The following DCDC2C variants were observed in gnomAD, a reference collection of about 807,000 sequenced individuals.
DCDC2C encodes doublecortin domain containing 2C.
DCDC2C carries 44 observed loss-of-function variants against 45.0 expected under a neutral mutation model. The observed-to-expected ratio is 0.98, with a 90% CI of 0.77 to 1.26. DCDC2C has a LOEUF of 1.26. Ranked by LOEUF, DCDC2C falls within the 50% of genes most tolerant of loss-of-function variation. The probability of loss-of-function intolerance (pLI) is 0.00; values close to 1 mark genes in which losing one functional copy is unlikely to be tolerated. For synonymous variants in DCDC2C, 187 were observed against 178.8 expected (o/e 1.05, Z -0.37); for missense variants, 447 against 468.9 (o/e 0.95, Z 0.43).
At chr2:3,759,580 G>A (rs900190488) in intron 6 of DCDC2C, among the ~76,000 whole-genome samples, 7 of 152,204 alleles carry the variant, frequency 4.6e-5, no homozygotes, top group African/African-American at 1.4e-4. Flanking sequence ...GATGGCGGGA[G>A]GGTGGTGCAT....
At chr2:3,840,449 T>C (rs1247994211) in intron 10 of DCDC2C, among the ~76,000 whole-genome samples, 2 of 152,192 alleles carry the variant, frequency 1.3e-5, no homozygotes, top group Non-Finnish European at 2.9e-5. Context: ...AAAAATAAGA[T>C]AAAAATTCTG....
rs1157743675 is a variant in DCDC2C, at chr2:3,741,999, G to A, written c.496G>A (p.Val166Met). The stretch of plus-strand genomic sequence containing the variant: ...ATTTAGTCTGTCCGATTGGGACATC[G>A]TGCTGGCCACGATCGGAGAAAAAGT... The part of the protein sequence containing the change: ...PKFSLSDWDI[V>M]LATIGEKVFP... Residue 166 changes from valine (V) to methionine (M), a missense_variant, in exon 4 of 11, where the codon GTG (valine) becomes ATG (methionine). Val to Met is a conservative substitution (Grantham distance 21, BLOSUM62 1). Coordinates refer to ENST00000399143, the MANE Select transcript of DCDC2C (RefSeq NM_001287444.2). 10 of 1,548,324 alleles carry A rather than the reference G, an allele frequency of 6.5e-6. No individual in the cohort carries two copies. In the Admixed American group the frequency reaches 7.9e-5, roughly 12 times the overall value.
At chr2:3,739,513 C>T (rs991709031) in intron 3 of DCDC2C, among the ~76,000 whole-genome samples, 2 of 152,224 alleles carry the variant, frequency 1.3e-5, no homozygotes, top group East Asian at 1.9e-4. Flanking sequence ...GGCTGAACGT[C>T]AAGAGGAACG....
intron 1 of DCDC2C, among the ~76,000 whole-genome samples, chr2:3,708,187 T>C (rs1016624199): frequency 2.0e-5 from 3 of 152,190 alleles, no homozygotes; most frequent in African/African-American, 7.2e-5. Flanking sequence ...GACCTTAGCC[T>C]GTCATGGGAA....
At position 3,778,868 on chromosome 2, in the gene DCDC2C, A is replaced by G; in HGVS notation, c.1007A>G (p.Asp336Gly). 6.4e-7 allele frequency: 1 copy of G among 1,551,098 alleles called. No individual in the cohort carries two copies. The highest frequency in any genetic ancestry group is 1.4e-5 in the African/African-American group (1 of 73,178). Residue 336 changes from aspartate to glycine, a missense_variant, in exon 9 of 11, where the codon GAT (aspartate) becomes GGT (glycine). Asp to Gly is a moderately conservative substitution (Grantham distance 94). Transcript: ENST00000399143. ...EDEEIHENTPDFEGNKDKEDA... is the reference protein window; with the variant it reads ...EDEEIHENTPGFEGNKDKEDA... ...GAAGAGATACATGAGAACACCCCTG[A>G]TTTTGAGGGCAACAAGGTGAGTTCA...
At chr2:3,821,038 G>A (rs1203617800) in intron 10 of DCDC2C, among the ~76,000 whole-genome samples, 3 of 152,108 alleles carry the variant, frequency 2.0e-5, no homozygotes, top group African/African-American at 7.2e-5. Context: ...GGCGGGCTGA[G>A]TCCAAAAAGA....
chr2:3,711,293 A>G (rs1668201808), intron 2 of DCDC2C, among the ~76,000 whole-genome samples: 1 of 152,216 alleles, frequency 6.6e-6, no homozygotes, highest in Non-Finnish European at 1.5e-5. Context: ...GTTACTGGGT[A>G]TATACCCAAG....
chr2:3,749,684 G>C (rs1669481027), intron 4 of DCDC2C, among the ~76,000 whole-genome samples: 1 of 152,214 alleles, frequency 6.6e-6, no homozygotes, highest in Admixed American at 6.5e-5. Context: ...AAGGTGTCCT[G>C]TTGGCCCCAT....
chr2:3,777,843 T>C (rs928279856), intron 8 of DCDC2C, among the ~76,000 whole-genome samples: 2 of 152,224 alleles, frequency 1.3e-5, no homozygotes, highest in Admixed American at 6.5e-5. Context: ...GGCAGTTCTT[T>C]TTCTCTGGTC....
intron 4 of DCDC2C, among the ~76,000 whole-genome samples, chr2:3,742,867 G>A (rs537623959): frequency 3.9e-5 from 6 of 152,318 alleles, no homozygotes; most frequent in African/African-American, 1.4e-4. Context: ...TTACAGACCA[G>A]GCAAGGGGCT....
chr2:3,838,071 A>T (rs1216508766), intron 10 of DCDC2C, among the ~76,000 whole-genome samples: 2 of 152,166 alleles, frequency 1.3e-5, no homozygotes, highest in Non-Finnish European at 2.9e-5. Flanking sequence ...GAACTGGAGA[A>T]ATAACCTGGG....
At chr2:3,755,904 G>A (rs1334905516) in intron 6 of DCDC2C, among the ~76,000 whole-genome samples, 1 of 152,096 alleles carries the variant, frequency 6.6e-6, no homozygotes, top group African/African-American at 2.4e-5. Flanking sequence ...ACATGTGTAT[G>A]TATGTATTCA....
chr2:3,728,774 C>A (rs775161096), intron 3 of DCDC2C, among the ~76,000 whole-genome samples: 1 of 152,196 alleles, frequency 6.6e-6, no homozygotes, highest in Non-Finnish European at 1.5e-5. Flanking sequence ...GAGAGAAAGG[C>A]GGGGTGTGAC....
chr2:3,730,973 C>T (rs1243045348), intron 3 of DCDC2C, among the ~76,000 whole-genome samples: 1 of 152,204 alleles, frequency 6.6e-6, no homozygotes, highest in African/African-American at 2.4e-5. Context: ...GCACTGAGGA[C>T]TGACTCGTGC....
intron 6 of DCDC2C, among the ~76,000 whole-genome samples, chr2:3,763,395 C>T (rs1669936560): frequency 6.6e-6 from 1 of 152,262 alleles, no homozygotes; most frequent in Admixed American, 6.5e-5. Context: ...GGAGATCCCA[C>T]TGCCAGCCAG....
intron 10 of DCDC2C, among the ~76,000 whole-genome samples, chr2:3,812,124 A>G (rs961255190): frequency 7.2e-5 from 11 of 152,046 alleles, no homozygotes; most frequent in Admixed American, 2.6e-4. Flanking sequence ...CTCATTTTCA[A>G]TTGTTTGGAG....
intron 4 of DCDC2C, among the ~76,000 whole-genome samples, chr2:3,751,450 C>A (rs547745244): frequency 6.6e-6 from 1 of 152,358 alleles, no homozygotes; most frequent in Non-Finnish European, 1.5e-5. Context: ...CTCCCAGGTT[C>A]CTGTCTTGAC....
At chr2:3,712,285 T>C (rs1371612305) in intron 2 of DCDC2C, among the ~76,000 whole-genome samples, 5 of 152,132 alleles carry the variant, frequency 3.3e-5, no homozygotes, top group Non-Finnish European at 5.9e-5. Context: ...GTGGCATCAC[T>C]ACTACTTACT....
intron 10 of DCDC2C, among the ~76,000 whole-genome samples, chr2:3,791,626 A>G (rs17018074): frequency 0.12 from 17,687 of 152,034 alleles, 1,195 homozygotes; most frequent in East Asian, 0.28. Flanking sequence ...TCAAATTCTC[A>G]TCCTCTTTCC....
Sources: allele counts gnomAD v4.1 joint callset (sites outside exome capture counted in the v4.1 genomes callset), GRCh38; gene constraint gnomAD v4.1.1; transcripts MANE v1.5; gene names NCBI Gene and HGNC (gene_info 2026-07-23, HGNC 2026-07-21).